Variants in ANK2 observed in about 807,000 individuals in gnomAD.
ANK2 encodes ankyrin-2.
ANK2 carries 83 observed loss-of-function variants against 360.5 expected under a neutral mutation model. The ratio of observed to expected loss-of-function variants is 0.23; its 90% CI spans 0.19 to 0.28. The LOEUF (loss-of-function observed/expected upper bound fraction) is 0.28, where lower values mean the gene tolerates loss of function less well. ANK2 is among the 10% of genes least tolerant of loss of function. ANK2 has a pLI of 1.00. For synonymous variants in ANK2, 1,740 were observed against 1,759.5 expected (o/e 0.99, Z 0.28); for missense variants, 4,201 against 4,795.7 (o/e 0.88, Z 3.66).
At chr4:113,186,315 T>G (rs144182005) in intron 2 of ANK2, among the ~76,000 whole-genome samples, 5 of 152,266 alleles carry the variant, frequency 3.3e-5, no homozygotes, top group Non-Finnish European at 1.5e-5. Flanking sequence ...GGGGCCTGAC[T>G]GTTAGAAGGA....
At chr4:113,189,371 A>C (rs754408258) in intron 2 of ANK2, among the ~76,000 whole-genome samples, 10 of 152,228 alleles carry the variant, frequency 6.6e-5, no homozygotes, top group Non-Finnish European at 1.3e-4. Flanking sequence ...AATGTGGAGA[A>C]GATCGGAAGT....
the ANK2 span, among the ~76,000 whole-genome samples, chr4:112,810,930 C>CT: frequency 0.1 from 13,854 of 137,004 alleles, 975 homozygotes; most frequent in Middle Eastern, 0.16. Flanking sequence ...TTCTTTCTTT[C>CT]TTTTTTTTTT....
chr4:112,860,825 G>T (rs1423314894), intron 1 of ANK2, among the ~76,000 whole-genome samples: 2 of 151,978 alleles, frequency 1.3e-5, no homozygotes, highest in Non-Finnish European at 2.9e-5. Context: ...GTAATTTGGG[G>T]CCCTTAGCCA....
At chr4:112,990,765 C>T (rs2046467099) in intron 2 of ANK2, among the ~76,000 whole-genome samples, 1 of 152,184 alleles carries the variant, frequency 6.6e-6, no homozygotes, top group African/African-American at 2.4e-5. Flanking sequence ...CTCCTTACCA[C>T]CCTCCATGTG....
At chr4:112,724,556 T>TACACACACACACACACAC in the ANK2 span, among the ~76,000 whole-genome samples, 1 of 141,664 alleles carries the variant, frequency 7.1e-6, no homozygotes, top group African/African-American at 2.6e-5. Flanking sequence ...CACACACACA[T>TACACACACACACACACAC]ACACACACAC....
chr4:113,116,018 C>G (rs879428190), intron 1 of ANK2, among the ~76,000 whole-genome samples: 9 of 152,114 alleles, frequency 5.9e-5, no homozygotes, highest in Non-Finnish European at 7.4e-5. Flanking sequence ...GAGTGCCATC[C>G]TTGGCATCCT....
Position 113,365,189 on chromosome 4 carries a change from C to CTGTG in ANK2, c.11032+15_11032+18dup, listed in dbSNP as rs749676836. On this transcript the variant is annotated splice_region_variant and intron_variant, in intron 41 of 45. Transcript: ENST00000357077. ...ACACTGGATCATAGTGAAGGTCAAA[C>CTGTG]TGTGTGTGTGTATGTGTGTGTGTGT... 15 of 1,562,336 alleles carry CTGTG rather than the reference C, an allele frequency of 9.6e-6. No individual in the cohort carries two copies. The African/African-American group carries it at 1.2e-4, about 13-fold the overall frequency.
chr4:113,031,214 A>T (rs1012444937), intron 2 of ANK2: 2 of 152,102 alleles, frequency 1.3e-5, no homozygotes, highest in Non-Finnish European at 2.9e-5. Flanking sequence ...GGGAAGAGCT[A>T]TACAACATTA....
At chr4:113,120,701 T>C (rs1057251992) in intron 1 of ANK2, among the ~76,000 whole-genome samples, 3 of 152,164 alleles carry the variant, frequency 2.0e-5, no homozygotes, top group Non-Finnish European at 4.4e-5. Context: ...GATTATTTCA[T>C]CACCCAGGTG....
intron 1 of ANK2, among the ~76,000 whole-genome samples, chr4:112,852,500 C>G (rs1218089675): frequency 2.6e-5 from 4 of 152,118 alleles, no homozygotes; most frequent in African/African-American, 7.2e-5. Context: ...CTAGTATAGG[C>G]TAAACACATA....
At chr4:113,009,005 C>A (rs1163641367) in intron 2 of ANK2, among the ~76,000 whole-genome samples, 1 of 152,168 alleles carries the variant, frequency 6.6e-6, no homozygotes, top group African/African-American at 2.4e-5. Context: ...TCCTAAACAG[C>A]ATGTTTTAAG....
chr4:113,050,072 TACTGAGGACCGTGGCC>T lies in ANK2; in HGVS notation c.84+266_84+281del, dbSNP rs2066258239. On this transcript the variant is annotated intron_variant, in intron 1 of 45. Transcript: ENST00000357077. ...GATAAGGTGTGTTCCACATGTGGAT[TACTGAGGACCGTGGCC>T]ACTGATGGATTCTTCTGGTGTTAAC... Among the ~76,000 whole-genome samples the T allele has an allele frequency of 3.3e-5, 5 of 152,310 alleles. 1 individual carries two copies. In the South Asian group the frequency reaches 1.0e-3, roughly 32 times the overall value.
chr4:112,882,739 T>G (rs186472199), intron 1 of ANK2, among the ~76,000 whole-genome samples: 2,548 of 152,186 alleles, frequency 0.017, 36 homozygotes, highest in Middle Eastern at 0.031. Flanking sequence ...ACCTAGGTTC[T>G]GTTGATTTTG....
At chr4:113,328,197 A>G (rs1459215817) in intron 26 of ANK2, among the ~76,000 whole-genome samples, 2 of 152,158 alleles carry the variant, frequency 1.3e-5, no homozygotes, top group African/African-American at 2.4e-5. Flanking sequence ...CAGGTGTATT[A>G]TAATAATTCC....
intron 2 of ANK2, among the ~76,000 whole-genome samples, chr4:112,936,172 G>A (rs112346226): frequency 0.016 from 2,475 of 152,244 alleles, 47 homozygotes; most frequent in African/African-American, 0.047. Context: ...CTGAAATTAT[G>A]TTAATTGAAA....
chr4:113,148,349 T>C lies in ANK2; in HGVS notation c.85-26067T>C, dbSNP rs565897979. On this transcript the variant is annotated intron_variant, in intron 1 of 45. Coordinates refer to ENST00000357077, the MANE Select transcript of ANK2 (RefSeq NM_001148.6). Reference sequence around the variant, plus strand: ...TTGCTTTGTCCCAAGAGCAAAACCATAGATGCGATGCTTTAATATAGACAT... The same window carrying C: ...TTGCTTTGTCCCAAGAGCAAAACCACAGATGCGATGCTTTAATATAGACAT... 1.6e-4 allele frequency among the ~76,000 whole-genome samples: 25 copies of C among 152,346 alleles called. No homozygotes were observed. The South Asian group carries it at 5.2e-3, about 32-fold the overall frequency.
At chr4:113,068,666 GA>G (rs1353903098) in intron 1 of ANK2, among the ~76,000 whole-genome samples, 3 of 152,088 alleles carry the variant, frequency 2.0e-5, no homozygotes, top group African/African-American at 7.2e-5. Context: ...ACATGGCTAA[GA>G]GTCAAAAACT....
intron 5 of ANK2, among the ~76,000 whole-genome samples, chr4:113,236,715 A>G (rs1318269717): frequency 6.6e-6 from 1 of 152,236 alleles, no homozygotes; most frequent in Non-Finnish European, 1.5e-5. Flanking sequence ...GATTGCAACC[A>G]TACATTTGAG....
intron 1 of ANK2, chr4:112,826,801 C>A (rs2058503014): frequency 9.1e-7 from 1 of 1,095,834 alleles, no homozygotes; most frequent in African/African-American, 1.6e-5. Flanking sequence ...TTGCTTCAAG[C>A]ATCTTCTACT....
Sources: gnomAD v4.1 joint callset for allele counts (sites outside exome capture counted in the v4.1 genomes callset) on GRCh38, gnomAD v4.1.1 for gene constraint, MANE v1.5 for transcripts, NCBI Gene and HGNC (gene_info 2026-07-23, HGNC 2026-07-21) for gene names.